XXYLT1: variants seen among roughly 807,000 people sequenced by gnomAD.
XXYLT1 encodes xyloside xylosyltransferase 1.
In XXYLT1, 20 loss-of-function variants were observed where a neutral mutation model predicts 28.9. That is an observed-to-expected ratio of 0.69 (90% CI 0.49 to 1.00). The LOEUF (loss-of-function observed/expected upper bound fraction) is 1.00, where lower values mean the gene tolerates loss of function less well. Ranked by LOEUF, XXYLT1 falls within the 50% of genes least tolerant of loss-of-function variation. The pLI is 0.00. For synonymous variants in XXYLT1, 257 were observed against 253.8 expected, an observed-to-expected ratio of 1.01 and a Z score of -0.12; for missense variants, 542 against 560.1, an observed-to-expected ratio of 0.97 and a Z score of 0.33.
At position 195,105,760 on chromosome 3, in the gene XXYLT1, G is replaced by A. The variant is rs116449287; in HGVS notation, c.786-35649C>T. 7.1e-3 allele frequency among the ~76,000 whole-genome samples: 1,078 copies of A among 152,288 alleles called. 5 individuals carry two copies. The highest frequency in any genetic ancestry group is 0.025 in the African/African-American group (1,027 of 41,556). ...TGAGCCAGACCTACACCATGGCAGA[G>A]CCCCCCAGGTCATTTTCCCACCGTC... On this transcript the variant is annotated intron_variant, in intron 3 of 3. Transcript: ENST00000310380.
chr3:195,108,170 T>C (rs956594002), intron 3 of XXYLT1, among the ~76,000 whole-genome samples: 2 of 152,256 alleles, frequency 1.3e-5, no homozygotes, highest in African/African-American at 4.8e-5. Flanking sequence ...GTTCTGGGCC[T>C]GGCCTGCAAT....
At chr3:195,252,881 CGAGGCGGG>C (rs1364294004) in intron 1 of XXYLT1, among the ~76,000 whole-genome samples, 1 of 152,064 alleles carries the variant, frequency 6.6e-6, no homozygotes, top group Non-Finnish European at 1.5e-5. Context: ...GCAGGGGCGG[CGAGGCGGG>C]GAGGCGTTTA....
chr3:195,076,086 C>T lies in XXYLT1; in HGVS notation c.786-5975G>A, dbSNP rs1715098468. ...CACCACGGCCTCCGCCTCCTGGAGC[C>T]TCTCCCCGCACGCTGGAGGCTGCCA... On this transcript the variant is annotated intron_variant, in intron 3 of 3. Coordinates refer to ENST00000310380, the MANE Select transcript of XXYLT1 (RefSeq NM_152531.5). The surrounding 1 kb of genome is among the most constrained non-coding windows in gnomAD (Gnocchi z 5.3). 6.6e-6 allele frequency among the ~76,000 whole-genome samples: 1 copy of T among 152,238 alleles called. No homozygotes were observed. The highest frequency in any genetic ancestry group is 2.4e-5 in the African/African-American group (1 of 41,466).
At position 195,166,769 on chromosome 3, in the gene XXYLT1, C is replaced by T. The variant is rs567941598; in HGVS notation, c.653-10188G>A. 9.2e-5 allele frequency among the ~76,000 whole-genome samples: 14 copies of T among 152,238 alleles called. No homozygotes were observed. In the South Asian group the frequency reaches 2.9e-3, roughly 32 times the overall value. ...CGATCTCAGCTCACTGCAACCTCCACCTCCTGGGTTCAAGTGATTCTCCTG... is the reference window on the plus strand; with the variant it reads ...CGATCTCAGCTCACTGCAACCTCCATCTCCTGGGTTCAAGTGATTCTCCTG... On this transcript the variant is annotated intron_variant, in intron 2 of 3. Coordinates refer to ENST00000310380, the MANE Select transcript of XXYLT1 (RefSeq NM_152531.5).
At chr3:195,111,028 T>G (rs1277414819) in intron 3 of XXYLT1, among the ~76,000 whole-genome samples, 1 of 151,998 alleles carries the variant, frequency 6.6e-6, no homozygotes, top group Non-Finnish European at 1.5e-5. Flanking sequence ...AGACACTGAT[T>G]GTCCGCAGTC....
intron 2 of XXYLT1, among the ~76,000 whole-genome samples, chr3:195,226,235 C>T (rs776739410): frequency 5.3e-5 from 8 of 152,182 alleles, no homozygotes; most frequent in South Asian, 2.1e-4. Context: ...CTTCTAATTG[C>T]GCATCAGAGT....
chr3:195,185,806 C>A (rs1248832569), intron 2 of XXYLT1, among the ~76,000 whole-genome samples: 2 of 152,104 alleles, frequency 1.3e-5, no homozygotes, highest in Non-Finnish European at 2.9e-5. Context: ...GAGGCTCACA[C>A]CCCATCTACA....
At chr3:195,214,718 T>A (rs887371481) in intron 2 of XXYLT1, 1 of 151,966 alleles carries the variant, frequency 6.6e-6, no homozygotes, top group Non-Finnish European at 1.5e-5. Context: ...CGCACGCACA[T>A]CCCCCTGCAG....
Position 195,195,718 on chromosome 3 carries a change from G to A in XXYLT1, c.652+30991C>T, listed in dbSNP as rs1444694859. Among the ~76,000 whole-genome samples the A allele has an allele frequency of 1.3e-5, 2 of 152,140 alleles. No individual in the cohort carries two copies. Among genetic ancestry groups the A allele is most frequent in the South Asian group, 2.1e-4 (1 of 4,830 alleles). On this transcript the variant is annotated intron_variant, in intron 2 of 3. Transcript: ENST00000310380. This position sits in a 1 kb window ranked among gnomAD's most constrained non-coding sequence, Gnocchi z 4.4. The stretch of plus-strand genomic sequence containing the variant: ...CTCTCAGGAACAGCTCGGAGGGCCC[G>A]GGCAGTGCCGTGCTGGGAATGCTCT...
intron 3 of XXYLT1, among the ~76,000 whole-genome samples, chr3:195,125,161 G>A (rs1043182417): frequency 6.6e-6 from 1 of 152,274 alleles, no homozygotes; most frequent in Non-Finnish European, 1.5e-5. Flanking sequence ...ACATGGCAAG[G>A]AAGACAGTGA....
chr3:195,133,561 T>C lies in XXYLT1; in HGVS notation c.785+22888A>G, dbSNP rs1174341882. On this transcript the variant is annotated intron_variant, in intron 3 of 3. Transcript: ENST00000310380. The surrounding 1 kb of genome is among the most constrained non-coding windows in gnomAD (Gnocchi z 4.4). ...ACTAGATGTTCAGCTTCCAGCATGA[T>C]AAACATTTCATATTTGAGTCACCTC... 6.6e-6 allele frequency among the ~76,000 whole-genome samples: 1 copy of C among 152,222 alleles called. No individual in the cohort carries two copies. The highest frequency in any genetic ancestry group is 6.5e-5 in the Admixed American group (1 of 15,282).
intron 2 of XXYLT1, among the ~76,000 whole-genome samples, chr3:195,199,742 AG>A (rs762688419): frequency 7.5e-4 from 114 of 152,216 alleles, no homozygotes; most frequent in Non-Finnish European, 1.4e-3. Flanking sequence ...GACAAAAATC[AG>A]GCTGCAGAGA....
chr3:195,131,408 T>A (rs1166019457), intron 3 of XXYLT1, among the ~76,000 whole-genome samples: 1 of 152,260 alleles, frequency 6.6e-6, no homozygotes, highest in African/African-American at 2.4e-5. Context: ...CTAGCTGTTA[T>A]AGAGCAAGCC....
Position 195,271,108 on chromosome 3 carries a change from C to A in XXYLT1, c.-50G>T, listed in dbSNP as rs932563454. On this transcript the variant is annotated 5_prime_UTR_variant, in exon 1 of 4. Transcript: ENST00000310380. ...GGTGCCAGCAACGCGGGAGAGCCCT[C>A]GGGTACCCGGACGCCGGCGGCCACT... The A allele has an allele frequency of 1.6e-5, 21 of 1,284,006 alleles. No homozygotes were observed. The East Asian group carries it at 2.6e-4, about 16-fold the overall frequency. 79.5% of individuals were successfully genotyped at this position (1,284,006 alleles called of 1,614,324 possible).
At chr3:195,233,161 G>T (rs1724372835) in intron 1 of XXYLT1, among the ~76,000 whole-genome samples, 1 of 151,692 alleles carries the variant, frequency 6.6e-6, no homozygotes, top group Non-Finnish European at 1.5e-5. Context: ...TCTTGAAATC[G>T]ATTTATCTGA....
chr3:195,091,396 C>A (rs1157000962), intron 3 of XXYLT1, among the ~76,000 whole-genome samples: 2 of 108,336 alleles, frequency 1.8e-5, no homozygotes, highest in African/African-American at 9.8e-5. Flanking sequence ...TAAATGTAAT[C>A]CAGCAGGTAA....
rs1247348005 is a variant in XXYLT1 at position 195,180,718 on chromosome 3, C to T, written c.653-24137G>A. Among the ~76,000 whole-genome samples, 4 of 152,142 alleles carry T rather than the reference C, an allele frequency of 2.6e-5. No homozygotes were observed. The highest frequency in any genetic ancestry group is 2.1e-4 in the South Asian group (1 of 4,830). ...GACACACACAAGCAGACGGGAAAGG[C>T]GCCTGCCCACTGCCCCCACCCCTGC... On this transcript the variant is annotated intron_variant, in intron 2 of 3. Coordinates refer to ENST00000310380, the MANE Select transcript of XXYLT1 (RefSeq NM_152531.5). This position sits in a 1 kb window ranked among gnomAD's most constrained non-coding sequence, Gnocchi z 5.8.
At chr3:195,198,336 C>T (rs1317466023) in intron 2 of XXYLT1, among the ~76,000 whole-genome samples, 1 of 152,172 alleles carries the variant, frequency 6.6e-6, no homozygotes, top group Non-Finnish European at 1.5e-5. Context: ...AACTTCTCTT[C>T]CCACTCCCCC....
In XXYLT1 at chr3:195,150,676, G is replaced by A. The variant is rs62285217; in HGVS notation, c.785+5773C>T. Among the ~76,000 whole-genome samples, 25,336 of 151,986 alleles carry A rather than the reference G, an allele frequency of 0.17. 2,417 individuals carry two copies. Among genetic ancestry groups the A allele is most frequent in the East Asian group, 0.41 (2,136 of 5,160 alleles). On this transcript the variant is annotated intron_variant, in intron 3 of 3. Transcript: ENST00000310380. The surrounding 1 kb of genome is among the most constrained non-coding windows in gnomAD (Gnocchi z 4.7). ...CGCAGAGCCTGGGGAGAATGAAACC[G>A]GAAGCCTATGCCGCCACCAACAAGC...
Sources: allele counts gnomAD v4.1 joint callset (sites outside exome capture counted in the v4.1 genomes callset), GRCh38; gene constraint gnomAD v4.1.1; non-coding constraint Gnocchi (gnomAD v3.1); transcripts MANE v1.5; gene names NCBI Gene and HGNC (gene_info 2026-07-23, HGNC 2026-07-21).